The following ZNF710 variants were observed in gnomAD, a reference collection of about 807,000 sequenced individuals.
The protein encoded by ZNF710 is zinc finger protein 710.
Under a neutral mutation model 50.6 loss-of-function variants are expected in ZNF710, and 13 were observed. The observed-to-expected ratio is 0.26, with a 90% CI of 0.17 to 0.41. ZNF710 has a LOEUF of 0.41. Ranked by LOEUF, ZNF710 falls within the 10% of genes least tolerant of loss-of-function variation. The probability of loss-of-function intolerance (pLI) is 1.00; values close to 1 mark genes in which losing one functional copy is unlikely to be tolerated. For missense variants in ZNF710, 721 were observed against 936.6 expected, an observed-to-expected ratio of 0.77 and a Z score of 3.01; for synonymous variants, 383 against 397.0, an observed-to-expected ratio of 0.96 and a Z score of 0.42.
intron 2 of ZNF710, among the ~76,000 whole-genome samples, chr15:90,069,228 C>CAA (rs1231164801): frequency 3.0e-4 from 21 of 69,558 alleles, no homozygotes; most frequent in South Asian, 4.5e-4. Flanking sequence ...AACTCCATCT[C>CAA]AAAAAAAAAA....
intron 1 of ZNF710, among the ~76,000 whole-genome samples, chr15:90,060,147 C>T (rs945545225): frequency 2.3e-5 from 3 of 131,452 alleles, no homozygotes. Flanking sequence ...GATCCGGGTG[C>T]TTCATGTGGA....
Position 90,034,197 on chromosome 15 carries a change from CA to C in ZNF710, c.-29+32592del, listed in dbSNP as rs201471695. ...TGGGTGACAGAGTGAGACTCTGTCTCAAAAAAAAAGAAAAGAAAAGAAAAGA... is the reference window on the plus strand; with the variant it reads ...TGGGTGACAGAGTGAGACTCTGTCTCAAAAAAAAGAAAAGAAAAGAAAAGA... On this transcript the variant is annotated intron_variant, in intron 1 of 4. Coordinates refer to ENST00000268154, the MANE Select transcript of ZNF710 (RefSeq NM_198526.4). This position sits in a 1 kb window ranked among gnomAD's most constrained non-coding sequence, Gnocchi z 4.0. Among the ~76,000 whole-genome samples the C allele has an allele frequency of 1.5e-5, 2 of 137,686 alleles. No individual in the cohort carries two copies. The highest frequency in any genetic ancestry group is 1.5e-4 in the Admixed American group (2 of 13,708). 90.3% of individuals were successfully genotyped at this position (137,686 alleles called of 152,430 possible). A position where few individuals can be genotyped will look rare whatever the true frequency, so the allele number is the denominator to read the frequency against.
intron 4 of ZNF710, among the ~76,000 whole-genome samples, chr15:90,078,877 C>T (rs1246942359): frequency 2.6e-5 from 4 of 152,242 alleles, no homozygotes; most frequent in Non-Finnish European, 5.9e-5. Flanking sequence ...CCCTGCCAGC[C>T]TCCCAGTTCC....
rs754272567 is a variant in ZNF710, at chr15:90,067,573, G to A, written c.436G>A (p.Gly146Ser). The A allele has an allele frequency of 1.1e-5, 17 of 1,610,676 alleles. No individual in the cohort carries two copies. The highest frequency in any genetic ancestry group is 8.9e-5 in the East Asian group (4 of 44,720). ...AEAPAEAASG[G>S]CDALVQSSAV... is the part of the protein sequence containing the mutation. ...AGCCCCCGCCGAGGCGGCCAGTGGCGGCTGCGACGCCCTGGTGCAGAGCAG... is the reference window on the plus strand; with the variant it reads ...AGCCCCCGCCGAGGCGGCCAGTGGCAGCTGCGACGCCCTGGTGCAGAGCAG... The change falls in exon 2 of 5, where the codon GGC (glycine) becomes AGC (serine). Residue 146 changes from glycine (G) to serine (S), a missense_variant. Gly to Ser is a moderately conservative substitution (Grantham distance 56). Around this residue, in one of 3 missense-constraint regions of ZNF710, gnomAD observed 326 missense variants for 347.1 expected, o/e 0.94. Coordinates refer to ENST00000268154, the MANE Select transcript of ZNF710 (RefSeq NM_198526.4). This position sits in a 1 kb window ranked among gnomAD's most constrained non-coding sequence, Gnocchi z 8.1.
At chr15:90,028,346 G>C (rs189372819) in intron 1 of ZNF710, among the ~76,000 whole-genome samples, 7 of 152,284 alleles carry the variant, frequency 4.6e-5, no homozygotes, top group Admixed American at 2.0e-4. Context: ...CAATCTGAAT[G>C]CAGGGTATGG....
intron 1 of ZNF710, among the ~76,000 whole-genome samples, chr15:90,049,654 C>T (rs976157742): frequency 6.6e-6 from 1 of 152,178 alleles, no homozygotes; most frequent in Admixed American, 6.5e-5. Context: ...GTTGGGTACC[C>T]TCCCCTGTGA....
At chr15:90,008,505 G>T (rs60572716) in intron 1 of ZNF710, among the ~76,000 whole-genome samples, 1 of 143,304 alleles carries the variant, frequency 7.0e-6, no homozygotes, top group Admixed American at 6.8e-5. Flanking sequence ...GTTGGAGGCC[G>T]GGCACAGTGG....
At chr15:90,072,645 C>A (rs906820409) in intron 2 of ZNF710, among the ~76,000 whole-genome samples, 7 of 152,174 alleles carry the variant, frequency 4.6e-5, no homozygotes, top group Non-Finnish European at 1.0e-4. Flanking sequence ...AGACAGCGGG[C>A]AGACCCTGTG....
chr15:90,040,705 T>C lies in ZNF710; in HGVS notation c.-28-26405T>C, dbSNP rs1184779298. On this transcript the variant is annotated intron_variant, in intron 1 of 4. Coordinates refer to ENST00000268154, the MANE Select transcript of ZNF710 (RefSeq NM_198526.4). This position sits in a 1 kb window ranked among gnomAD's most constrained non-coding sequence, Gnocchi z 4.6. ...CTAAAGCAGCAGGCCCCGCCCCACC[T>C]CGCTCCCCAACTCCAGCCCTCCAGC... Among the ~76,000 whole-genome samples the C allele has an allele frequency of 2.0e-5, 3 of 152,162 alleles. No homozygotes were observed. Among genetic ancestry groups the C allele is most frequent in the Non-Finnish European group, 4.4e-5 (3 of 68,024 alleles).
intron 1 of ZNF710, among the ~76,000 whole-genome samples, chr15:90,033,707 C>T (rs780101686): frequency 1.2e-4 from 19 of 152,288 alleles, no homozygotes; most frequent in East Asian, 7.7e-4. Flanking sequence ...CATAGGCATT[C>T]GCTACCATGC....
At chr15:90,054,176 G>T (rs1899734956) in intron 1 of ZNF710, among the ~76,000 whole-genome samples, 1 of 152,180 alleles carries the variant, frequency 6.6e-6, no homozygotes, top group African/African-American at 2.4e-5. Flanking sequence ...ACTGTACACT[G>T]CGATGAGGGG....
intron 1 of ZNF710, among the ~76,000 whole-genome samples, chr15:90,065,660 C>T (rs1341833982): frequency 6.6e-6 from 1 of 152,182 alleles, no homozygotes; most frequent in Admixed American, 6.5e-5. Flanking sequence ...CAGGTGCCTC[C>T]ATATGTGGCT....
chr15:90,067,141 G>A lies in ZNF710; in HGVS notation c.4G>A (p.Glu2Lys). MEGFMDSGTQTD... is the reference protein window; with the variant it reads MKGFMDSGTQTD... ...CCTCCTAGCTAGCCGTCACGGGATG[G>A]AGGGCTTCATGGACTCAGGGACACA... The change falls in exon 2 of 5, where the codon GAG becomes AAG. Residue 2 changes from glutamate to lysine, a missense_variant. Transcript: ENST00000268154. The surrounding 1 kb of genome is among the most constrained non-coding windows in gnomAD (Gnocchi z 8.1). 1.3e-6 allele frequency: 2 copies of A among 1,593,586 alleles called. No homozygotes were observed. The highest frequency in any genetic ancestry group is 1.7e-6 in the Non-Finnish European group (2 of 1,167,578).
intron 1 of ZNF710, among the ~76,000 whole-genome samples, chr15:90,022,322 G>T (rs1474546548): frequency 6.6e-6 from 1 of 152,202 alleles, no homozygotes; most frequent in Non-Finnish European, 1.5e-5. Flanking sequence ...GTTGCAGTGA[G>T]CCGAGATTGC....
At chr15:90,000,602 C>T (rs1385679557), upstream of ZNF710, among the ~76,000 whole-genome samples, 1 of 152,234 alleles carries the variant, frequency 6.6e-6, no homozygotes, top group East Asian at 1.9e-4. Flanking sequence ...CGAGTCAGGC[C>T]GTCCAGGGCT....
chr15:90,011,427 A>C (rs917944196), intron 1 of ZNF710, among the ~76,000 whole-genome samples: 2 of 152,226 alleles, frequency 1.3e-5, no homozygotes, highest in African/African-American at 4.8e-5. Flanking sequence ...AGACTGTGTA[A>C]TGTTCAGTTG....
At chr15:90,008,454 G>GTATATATATATATATATA (rs1378957319) in intron 1 of ZNF710, among the ~76,000 whole-genome samples, 8 of 124,922 alleles carry the variant, frequency 6.4e-5, no homozygotes, top group African/African-American at 3.0e-4. Context: ...ATATATATAT[G>GTATATATATATATATATA]TATATATATA....
In ZNF710 at chr15:90,077,266, C is replaced by T. The variant is rs190290676; in HGVS notation, c.1826-2394C>T. 3.8e-3 allele frequency among the ~76,000 whole-genome samples: 418 copies of T among 108,582 alleles called. 4 individuals carry two copies. The highest frequency in any genetic ancestry group is 0.019 in the East Asian group (71 of 3,742). 71.2% of individuals were successfully genotyped at this position (108,582 alleles called of 152,430 possible). ...TTTTTTTTTTTTTTTTTTTTTGAGACGGAGTCTTGCTCTTTCACCCAGGCT... is the reference window on the plus strand; with the variant it reads ...TTTTTTTTTTTTTTTTTTTTTGAGATGGAGTCTTGCTCTTTCACCCAGGCT... On this transcript the variant is annotated intron_variant, in intron 4 of 4. Transcript: ENST00000268154.
intron 1 of ZNF710, among the ~76,000 whole-genome samples, chr15:90,063,771 C>T (rs1240863192): frequency 6.6e-6 from 1 of 152,150 alleles, no homozygotes; most frequent in African/African-American, 2.4e-5. Flanking sequence ...TTTTTGCCCT[C>T]TCCTCACCTC....
Sources: gnomAD v4.1 joint callset for allele counts (sites outside exome capture counted in the v4.1 genomes callset) on GRCh38, gnomAD v4.1.1 for gene constraint, gnomAD v4.1.1 regional missense constraint, Gnocchi (gnomAD v3.1) non-coding constraint, MANE v1.5 for transcripts, NCBI Gene and HGNC (gene_info 2026-07-23, HGNC 2026-07-21) for gene names.